RBFOX1: variants seen among roughly 807,000 people sequenced by gnomAD.
RBFOX1 encodes the protein RNA binding protein fox-1 homolog 1.
Under a neutral mutation model 57.7 loss-of-function variants are expected in RBFOX1, and 8 were observed. That is an observed-to-expected ratio of 0.14 (90% CI 0.08 to 0.25). RBFOX1 has a LOEUF of 0.25. RBFOX1 is among the 10% of genes least tolerant of loss of function. RBFOX1 has a pLI of 1.00. For synonymous variants in RBFOX1, 326 were observed against 222.4 expected, an observed-to-expected ratio of 1.47 and a Z score of -4.15; for missense variants, 611 against 548.5, an observed-to-expected ratio of 1.11 and a Z score of -1.14.
chr16:7,322,679 C>G (rs913570886), intron 4 of RBFOX1, among the ~76,000 whole-genome samples: 11 of 152,064 alleles, frequency 7.2e-5, no homozygotes, highest in Admixed American at 2.0e-4. Flanking sequence ...TGGTTCATGC[C>G]TCAAAAATAA....
In RBFOX1 at chr16:7,470,017, GTT is replaced by G. The variant is rs35706487; in HGVS notation, c.28-48117_28-48116del. Among the ~76,000 whole-genome samples, 164 of 143,234 alleles carry G rather than the reference GTT, an allele frequency of 1.1e-3. 2 individuals are homozygous for G. Among genetic ancestry groups the G allele is most frequent in the South Asian group, 1.3e-3 (6 of 4,504 alleles). 94.0% of individuals were successfully genotyped at this position (143,234 alleles called of 152,430 possible). A position where few individuals can be genotyped will look rare whatever the true frequency, so the allele number is the denominator to read the frequency against. ...GTTCAAGGTGCTACAGCATGGGTCA[GTT>G]TTTTTTTTTTTTCACTTTTAACATT... On this transcript the variant is annotated intron_variant, in intron 4 of 15. Transcript: ENST00000550418.
chr16:7,466,467 A>G lies in RBFOX1; in HGVS notation c.28-51680A>G, dbSNP rs551506412. On this transcript the variant is annotated intron_variant, in intron 4 of 15. Transcript: ENST00000550418. The stretch of plus-strand genomic sequence containing the variant: ...AAGAGGGGCTTAGTAGCTCGGTTTT[A>G]AAAAGTCACCCCAGGTCCTAGGGTG... Among the ~76,000 whole-genome samples, 21 of 152,258 alleles carry G rather than the reference A, an allele frequency of 1.4e-4. No homozygotes were observed. The South Asian group carries it at 4.1e-3, about 30-fold the overall frequency.
chr16:5,792,301 C>T (rs1736388866), intron 3 of RBFOX1, among the ~76,000 whole-genome samples: 1 of 152,150 alleles, frequency 6.6e-6, no homozygotes, highest in Admixed American at 6.5e-5. Flanking sequence ...CTTAGATACA[C>T]TAGAGAGACA....
chr16:7,445,938 C>G (rs1435581714), intron 4 of RBFOX1, among the ~76,000 whole-genome samples: 1 of 152,150 alleles, frequency 6.6e-6, no homozygotes, highest in Non-Finnish European at 1.5e-5. Context: ...CGCTTTCCCT[C>G]CTATGCCTTT....
intron 1 of RBFOX1, among the ~76,000 whole-genome samples, chr16:6,275,058 G>T (rs1342804226): frequency 6.6e-6 from 1 of 152,160 alleles, no homozygotes; most frequent in African/African-American, 2.4e-5. Context: ...GAGTCACATT[G>T]TCTGGTCACA....
chr16:6,487,958 C>A (rs2095543260), intron 2 of RBFOX1, among the ~76,000 whole-genome samples: 1 of 151,758 alleles, frequency 6.6e-6, no homozygotes. Flanking sequence ...AGTTTTCTAA[C>A]CTGGTTTGAA....
chr16:5,863,573 T>C (rs921436509), intron 3 of RBFOX1, among the ~76,000 whole-genome samples: 1 of 152,214 alleles, frequency 6.6e-6, no homozygotes, highest in Non-Finnish European at 1.5e-5. Flanking sequence ...TCATGAATAC[T>C]ACCTGCCTTA....
intron 1 of RBFOX1, among the ~76,000 whole-genome samples, chr16:6,206,246 C>T (rs1454885066): frequency 6.6e-6 from 1 of 152,056 alleles, no homozygotes; most frequent in Non-Finnish European, 1.5e-5. Flanking sequence ...GGCTCTTTCC[C>T]GCTGCCAGGA....
chr16:6,431,909 C>CTT (rs1338236661), intron 2 of RBFOX1, among the ~76,000 whole-genome samples: 1 of 115,030 alleles, frequency 8.7e-6, no homozygotes, highest in South Asian at 2.8e-4. Context: ...TTCTTTCTTT[C>CTT]TTTCTTTCTT....
intron 3 of RBFOX1, among the ~76,000 whole-genome samples, chr16:5,791,835 C>A (rs1000189043): frequency 6.6e-6 from 1 of 152,176 alleles, no homozygotes; most frequent in Non-Finnish European, 1.5e-5. Context: ...GGCCACTTTG[C>A]TCTCTGGAAA....
At chr16:6,227,340 C>T (rs574518193) in intron 1 of RBFOX1, among the ~76,000 whole-genome samples, 1 of 152,150 alleles carries the variant, frequency 6.6e-6, no homozygotes, top group South Asian at 2.1e-4. Context: ...GCCGGTGCTG[C>T]AGGCTTTGGG....
intron 3 of RBFOX1, among the ~76,000 whole-genome samples, chr16:7,011,384 G>C (rs2093645278): frequency 6.6e-6 from 1 of 152,210 alleles, no homozygotes; most frequent in Admixed American, 6.5e-5. Flanking sequence ...TGTGGCAGAT[G>C]GGGATTGAAA....
At chr16:6,618,157 G>T (rs1025816458) in intron 2 of RBFOX1, among the ~76,000 whole-genome samples, 24 of 152,144 alleles carry the variant, frequency 1.6e-4, no homozygotes, top group Non-Finnish European at 2.9e-4. Context: ...GACATGAGGA[G>T]GGGTTAGTTT....
At chr16:6,359,377 G>A (rs1238172058) in intron 2 of RBFOX1, among the ~76,000 whole-genome samples, 2 of 152,168 alleles carry the variant, frequency 1.3e-5, no homozygotes, top group African/African-American at 2.4e-5. Context: ...ACAGATGTGA[G>A]CCACTGCACC....
At chr16:7,438,049 G>A (rs1161964171) in intron 4 of RBFOX1, among the ~76,000 whole-genome samples, 2 of 152,134 alleles carry the variant, frequency 1.3e-5, no homozygotes, top group African/African-American at 2.4e-5. Context: ...GCGTCTCATT[G>A]TATTTAAAAT....
chr16:6,741,080 G>C (rs553349227), intron 3 of RBFOX1, among the ~76,000 whole-genome samples: 51 of 152,258 alleles, frequency 3.3e-4, no homozygotes, highest in African/African-American at 1.2e-3. Flanking sequence ...ACATTGACCA[G>C]CTGATTTTTG....
intron 2 of RBFOX1, among the ~76,000 whole-genome samples, chr16:5,543,428 C>G (rs1177812381): frequency 1.3e-5 from 2 of 151,956 alleles, no homozygotes; most frequent in Non-Finnish European, 2.9e-5. Flanking sequence ...TTAGACATTG[C>G]CCATACACAA....
intron 3 of RBFOX1, among the ~76,000 whole-genome samples, chr16:6,976,268 C>G (rs971013050): frequency 6.6e-6 from 1 of 152,168 alleles, no homozygotes; most frequent in Non-Finnish European, 1.5e-5. Flanking sequence ...AAGAAACTCA[C>G]CTGTACTGAG....
intron 4 of RBFOX1, among the ~76,000 whole-genome samples, chr16:7,222,966 G>T (rs1199860846): frequency 1.3e-5 from 2 of 152,104 alleles, no homozygotes; most frequent in Non-Finnish European, 2.9e-5. Context: ...GTCCCTTGTT[G>T]TGCAGCATAA....
Sources: gnomAD v4.1 joint callset for allele counts (sites outside exome capture counted in the v4.1 genomes callset) on GRCh38, gnomAD v4.1.1 for gene constraint, MANE v1.5 for transcripts, NCBI Gene and HGNC (gene_info 2026-07-23, HGNC 2026-07-21) for gene names.